Variants in SAMD5 observed in about 807,000 individuals in gnomAD.
The protein encoded by SAMD5 is sterile alpha motif domain-containing protein 5.
A neutral mutation model predicts 11.3 loss-of-function variants in SAMD5; 13 were observed. The observed-to-expected ratio is 1.15, with a 90% CI of 0.75 to 1.83. The LOEUF is 1.83. Ranked by LOEUF, SAMD5 falls within the 40% of genes most tolerant of loss-of-function variation. The probability of loss-of-function intolerance (pLI) is 0.00; values close to 1 mark genes in which losing one functional copy is unlikely to be tolerated. For synonymous variants in SAMD5, 129 were observed against 111.3 expected (o/e 1.16, Z -1.00); for missense variants, 255 against 239.1 (o/e 1.07, Z -0.44).
chr6:147,750,501 A>G, the SAMD5 span, among the ~76,000 whole-genome samples: 1 of 152,182 alleles, frequency 6.6e-6, no homozygotes, highest in African/African-American at 2.4e-5. Context: ...TCCTCAGAGT[A>G]AAAATGCAAG....
chr6:147,770,372 C>T, the SAMD5 span, among the ~76,000 whole-genome samples: 922 of 152,068 alleles, frequency 6.1e-3, 9 homozygotes, highest in African/African-American at 0.021. Flanking sequence ...TTTATTAAAA[C>T]GGACGATTTC....
At chr6:147,806,655 G>A in the SAMD5 span, among the ~76,000 whole-genome samples, 16 of 152,026 alleles carry the variant, frequency 1.1e-4, no homozygotes, top group African/African-American at 3.9e-4. Flanking sequence ...CCCATTTCTT[G>A]CTCTTAATGT....
intron 1 of SAMD5, among the ~76,000 whole-genome samples, chr6:147,640,316 G>T (rs1272753488): frequency 6.7e-6 from 1 of 148,602 alleles, no homozygotes; most frequent in African/African-American, 2.5e-5. Context: ...GACAGAGTGA[G>T]ACTTCATCTC....
downstream of SAMD5, among the ~76,000 whole-genome samples, chr6:147,742,335 G>C (rs9403885): frequency 6.6e-6 from 1 of 151,748 alleles, no homozygotes. Flanking sequence ...CCTCTGAGTC[G>C]CTTTGGGTGT....
chr6:147,907,483 A>C, the SAMD5 span, among the ~76,000 whole-genome samples: 1 of 152,264 alleles, frequency 6.6e-6, no homozygotes, highest in East Asian at 1.9e-4. Flanking sequence ...TAACTTTTGC[A>C]CCAACCTAAT....
At chr6:147,845,751 G>C in the SAMD5 span, among the ~76,000 whole-genome samples, 7 of 152,108 alleles carry the variant, frequency 4.6e-5, no homozygotes, top group Non-Finnish European at 8.8e-5. Flanking sequence ...AGGATGAGGG[G>C]AAACCGGATT....
At chr6:147,823,492 A>G in the SAMD5 span, among the ~76,000 whole-genome samples, 3 of 152,250 alleles carry the variant, frequency 2.0e-5, no homozygotes, top group African/African-American at 4.8e-5. Context: ...TTTAAATGCC[A>G]GGAACAGAAC....
chr6:147,561,338 C>A (rs1266308512), intron 1 of SAMD5, among the ~76,000 whole-genome samples: 1 of 152,118 alleles, frequency 6.6e-6, no homozygotes, highest in Non-Finnish European at 1.5e-5. Flanking sequence ...CAGGCACGTG[C>A]CACCACGCCC....
At chr6:147,647,665 T>A (rs998374813) in intron 1 of SAMD5, among the ~76,000 whole-genome samples, 3 of 152,130 alleles carry the variant, frequency 2.0e-5, no homozygotes, top group Non-Finnish European at 2.9e-5. Flanking sequence ...TTGAGAGTAT[T>A]AGTTCCAGAC....
the SAMD5 span, among the ~76,000 whole-genome samples, chr6:147,907,546 A>C: frequency 3.9e-5 from 6 of 152,216 alleles, no homozygotes; most frequent in African/African-American, 1.4e-4. Flanking sequence ...TTGGTAGGTG[A>C]TATGGAAGTT....
the SAMD5 span, among the ~76,000 whole-genome samples, chr6:147,885,873 G>A: frequency 1.4e-4 from 22 of 152,206 alleles, no homozygotes; most frequent in African/African-American, 4.6e-4. Context: ...TGTGGGCAGC[G>A]AAACAGCCAA....
the SAMD5 span, among the ~76,000 whole-genome samples, chr6:147,827,254 A>G: frequency 6.6e-6 from 1 of 152,170 alleles, no homozygotes. Context: ...AGTTAAATAC[A>G]GGATGGTGCG....
At chr6:147,656,936 C>T (rs1309997479) in intron 1 of SAMD5, among the ~76,000 whole-genome samples, 1 of 105,536 alleles carries the variant, frequency 9.5e-6, no homozygotes, top group Admixed American at 1.1e-4. Context: ...GTGTGTGTAT[C>T]CATAAGGTAT....
chr6:147,915,627 A>G, the SAMD5 span, among the ~76,000 whole-genome samples: 1 of 152,216 alleles, frequency 6.6e-6, no homozygotes, highest in Non-Finnish European at 1.5e-5. Context: ...TCAATAAATG[A>G]CAGCTTTTCC....
At position 147,565,557 on chromosome 6, in the gene SAMD5, C is replaced by T; in HGVS notation, c.*1101C>T. On this transcript the variant is annotated 3_prime_UTR_variant, in exon 2 of 2. Coordinates refer to ENST00000367474, the MANE Select transcript of SAMD5 (RefSeq NM_001030060.3). The stretch of plus-strand genomic sequence containing the variant: ...CACAGTGACTTTCGCCTCCCAGGTT[C>T]AAGGAATTCTCCTGCCTCGGCCTCT... 2 of 567,826 alleles carry T rather than the reference C, an allele frequency of 3.5e-6. No individual in the cohort carries two copies. Among genetic ancestry groups the T allele is most frequent in the Non-Finnish European group, 4.4e-6 (2 of 449,514 alleles). 35.2% of individuals were successfully genotyped at this position (567,826 alleles called of 1,614,324 possible).
the SAMD5 span, among the ~76,000 whole-genome samples, chr6:147,853,781 G>A: frequency 1.3e-5 from 2 of 151,952 alleles, no homozygotes; most frequent in Non-Finnish European, 1.5e-5. Flanking sequence ...CTTTATCATC[G>A]TTAATGAATT....
At position 147,608,656 on chromosome 6, in the gene SAMD5, G is replaced by T. The variant is rs115555579; in HGVS notation, c.162+99269G>T. The stretch of plus-strand genomic sequence containing the variant: ...ACCAGAGGCTGGGAAGGGTAGTAGG[G>T]GTTGCAGGGAAGGGTGGGGATGGTT... On this transcript the variant is annotated intron_variant, in intron 1 of 1. Coordinates refer to the SAMD5 transcript ENST00000566741. 8.5e-3 allele frequency among the ~76,000 whole-genome samples: 1,295 copies of T among 152,198 alleles called. 8 individuals carry two copies. Among genetic ancestry groups the T allele is most frequent in the Middle Eastern group, 0.027 (8 of 294 alleles).
At chr6:147,949,272 G>T in the SAMD5 span, among the ~76,000 whole-genome samples, 1 of 152,056 alleles carries the variant, frequency 6.6e-6, no homozygotes, top group Non-Finnish European at 1.5e-5. Flanking sequence ...CCTATGATGG[G>T]GGAAAAAACC....
At chr6:147,913,648 A>T in the SAMD5 span, among the ~76,000 whole-genome samples, 1 of 152,158 alleles carries the variant, frequency 6.6e-6, no homozygotes, top group Non-Finnish European at 1.5e-5. Flanking sequence ...GTGAGCTGAG[A>T]TCACGCCATT....
Sources: gnomAD v4.1 joint callset for allele counts (sites outside exome capture counted in the v4.1 genomes callset) on GRCh38, gnomAD v4.1.1 for gene constraint, MANE v1.5 for transcripts, NCBI Gene and HGNC (gene_info 2026-07-23, HGNC 2026-07-21) for gene names.